ERBB4: variants seen among roughly 807,000 people sequenced by gnomAD.
ERBB4 encodes the protein receptor tyrosine-protein kinase erbB-4.
ERBB4 carries 42 observed loss-of-function variants against 158.0 expected under a neutral mutation model. That is an observed-to-expected ratio of 0.27 (90% CI 0.21 to 0.34). The LOEUF is 0.34. Ranked by LOEUF, ERBB4 falls within the 10% of genes least tolerant of loss-of-function variation. The probability of loss-of-function intolerance (pLI) is 1.00; values close to 1 mark genes in which losing one functional copy is unlikely to be tolerated. For synonymous variants in ERBB4, 583 were observed against 558.7 expected, an observed-to-expected ratio of 1.04 and a Z score of -0.61; for missense variants, 1,333 against 1,624.1, an observed-to-expected ratio of 0.82 and a Z score of 3.08.
intron 2 of ERBB4, among the ~76,000 whole-genome samples, chr2:212,062,010 C>T (rs543271626): frequency 8.5e-5 from 13 of 152,244 alleles, no homozygotes; most frequent in African/African-American, 2.9e-4. Flanking sequence ...GCTGGGATTA[C>T]AGGCATGAGC....
chr2:212,169,311 C>G (rs2081440209), intron 1 of ERBB4, among the ~76,000 whole-genome samples: 2 of 151,964 alleles, frequency 1.3e-5, no homozygotes, highest in Admixed American at 1.3e-4. Flanking sequence ...TATAGGAAAT[C>G]CATATAGTAT....
chr2:211,565,259 A>G (rs2067513816), intron 19 of ERBB4, among the ~76,000 whole-genome samples: 1 of 151,434 alleles, frequency 6.6e-6, no homozygotes, highest in South Asian at 2.1e-4. Flanking sequence ...AACATGAAAT[A>G]CTGATATAAT....
chr2:211,814,388 T>C (rs1295500124), intron 3 of ERBB4, among the ~76,000 whole-genome samples: 2 of 152,176 alleles, frequency 1.3e-5, no homozygotes, highest in African/African-American at 4.8e-5. Context: ...ATGTAATATA[T>C]GACTTAGAAT....
intron 20 of ERBB4, among the ~76,000 whole-genome samples, chr2:211,504,049 G>A (rs2065682649): frequency 1.3e-5 from 2 of 152,080 alleles, no homozygotes; most frequent in Admixed American, 1.3e-4. Context: ...CCACCTACTG[G>A]CTGGGAGGTC....
At chr2:211,591,691 A>G (rs2068470187) in intron 19 of ERBB4, among the ~76,000 whole-genome samples, 1 of 151,846 alleles carries the variant, frequency 6.6e-6, no homozygotes. Context: ...TCCTCAAAGC[A>G]AAGAGAGTCT....
intron 3 of ERBB4, among the ~76,000 whole-genome samples, chr2:211,870,196 T>A (rs576703453): frequency 6.6e-6 from 1 of 152,312 alleles, no homozygotes; most frequent in Admixed American, 6.5e-5. Flanking sequence ...AAACTCAATA[T>A]AGATTATTTT....
chr2:211,721,443 C>CAAAAAAAAAAAAAAAAAAAAAAAAAAAA lies in ERBB4; in HGVS notation c.883+949_883+950insTTTTTTTTTTTTTTTTTTTTTTTTTTTT, dbSNP rs71054136. ...GAAATGTCCCATTGGTTACTCAAAG[C>CAAAAAAAAAAAAAAAAAAAAAAAAAAAA]AAAAAAAAAAAAAAAAAAAAAATAG... On this transcript the variant is annotated intron_variant, in intron 7 of 27. Transcript: ENST00000342788. Among the ~76,000 whole-genome samples, 18 of 54,492 alleles carry CAAAAAAAAAAAAAAAAAAAAAAAAAAAA rather than the reference C, an allele frequency of 3.3e-4. 4 individuals carry two copies. The highest frequency in any genetic ancestry group is 1.4e-3 in the South Asian group (2 of 1,392). 35.7% of individuals were successfully genotyped at this position (54,492 alleles called of 152,430 possible).
intron 1 of ERBB4, among the ~76,000 whole-genome samples, chr2:212,159,230 T>C (rs1252118158): frequency 6.6e-6 from 1 of 151,250 alleles, no homozygotes; most frequent in African/African-American, 2.4e-5. Context: ...AAGTGTTTGC[T>C]GTTTTAAGGT....
chr2:212,378,868 A>G (rs368848914), intron 1 of ERBB4, among the ~76,000 whole-genome samples: 2 of 151,858 alleles, frequency 1.3e-5, no homozygotes, highest in African/African-American at 4.8e-5. Flanking sequence ...AATTTCTGAT[A>G]CTAATAAACT....
At chr2:212,330,946 G>C (rs1446278146) in intron 1 of ERBB4, among the ~76,000 whole-genome samples, 10 of 150,370 alleles carry the variant, frequency 6.7e-5, no homozygotes, top group Non-Finnish European at 1.2e-4. Context: ...GGGTCAACAA[G>C]CAGCAAGTGG....
chr2:211,671,803 A>G (rs897801823), intron 14 of ERBB4, among the ~76,000 whole-genome samples: 1 of 152,168 alleles, frequency 6.6e-6, no homozygotes, highest in East Asian at 1.9e-4. Flanking sequence ...TTAACAAGCC[A>G]TTACAGAAAT....
chr2:211,674,647 T>C (rs1168527492), intron 13 of ERBB4, among the ~76,000 whole-genome samples: 1 of 152,092 alleles, frequency 6.6e-6, no homozygotes, highest in African/African-American at 2.4e-5. Flanking sequence ...TTCACTGACA[T>C]AAAGCATACA....
chr2:211,662,390 A>G (rs2071463043), intron 15 of ERBB4, among the ~76,000 whole-genome samples: 1 of 152,160 alleles, frequency 6.6e-6, no homozygotes, highest in African/African-American at 2.4e-5. Flanking sequence ...TAAGTTTTAA[A>G]TTCTTGCTTA....
At chr2:211,860,699 G>T (rs2077987813) in intron 3 of ERBB4, among the ~76,000 whole-genome samples, 1 of 151,342 alleles carries the variant, frequency 6.6e-6, no homozygotes, top group South Asian at 2.1e-4. Flanking sequence ...GTTACTGACA[G>T]AAAGATGATT....
chr2:211,900,403 AT>A lies in ERBB4; in HGVS notation c.421+47026del, dbSNP rs2079204763. On this transcript the variant is annotated intron_variant, in intron 3 of 27. Coordinates refer to ENST00000342788, the MANE Select transcript of ERBB4 (RefSeq NM_005235.3). Reference sequence around the variant, plus strand: ...ACACACACACACACACACACACACCATTTTGCCTTCCTCATAATAGACTAGA... The same window carrying A: ...ACACACACACACACACACACACACCATTTGCCTTCCTCATAATAGACTAGA... 4.1e-5 allele frequency among the ~76,000 whole-genome samples: 6 copies of A among 146,328 alleles called. No individual in the cohort carries two copies. In the South Asian group the frequency reaches 1.3e-3, roughly 32 times the overall value.
chr2:212,114,198 G>C (rs1300188318), intron 2 of ERBB4, among the ~76,000 whole-genome samples: 1 of 152,176 alleles, frequency 6.6e-6, no homozygotes, highest in African/African-American at 2.4e-5. Flanking sequence ...AGGGTGCTAT[G>C]AATGTATGTA....
intron 3 of ERBB4, among the ~76,000 whole-genome samples, chr2:211,811,337 C>A (rs901379498): frequency 6.6e-6 from 1 of 152,080 alleles, no homozygotes; most frequent in Non-Finnish European, 1.5e-5. Context: ...TGTTAAATAT[C>A]GGCCCCCACT....
intron 1 of ERBB4, 118 bp downstream of exon 1, chr2:212,538,331 C>T (rs1281526700): frequency 3.5e-6 from 3 of 868,998 alleles, no homozygotes; most frequent in Non-Finnish European, 3.9e-6. Context: ...AGGGAAGAGG[C>T]CCCGGTCAAG....
intron 1 of ERBB4, among the ~76,000 whole-genome samples, chr2:212,399,746 G>C (rs1465829461): frequency 6.7e-6 from 1 of 149,588 alleles, no homozygotes. Context: ...TGGCATGGTG[G>C]CATGTGCCTG....
Sources: gnomAD v4.1 joint callset for allele counts (sites outside exome capture counted in the v4.1 genomes callset) on GRCh38, gnomAD v4.1.1 for gene constraint, MANE v1.5 for transcripts, NCBI Gene and HGNC (gene_info 2026-07-23, HGNC 2026-07-21) for gene names.